The following AGO2 variants were observed in gnomAD, a reference collection of about 807,000 sequenced individuals.
The protein encoded by AGO2 is protein argonaute-2.
In AGO2, 5 loss-of-function variants were observed where a neutral mutation model predicts 102.3. The ratio of observed to expected loss-of-function variants is 0.05; its 90% CI spans 0.03 to 0.10. The LOEUF is 0.10. AGO2 is among the 10% of genes least tolerant of loss of function. AGO2 has a pLI of 1.00. For missense variants in AGO2, 541 were observed against 1,183.7 expected (o/e 0.46, Z 7.97); for synonymous variants, 449 against 473.1 (o/e 0.95, Z 0.66).
At chr8:140,623,354 C>T (rs965447845) in intron 1 of AGO2, among the ~76,000 whole-genome samples, 1 of 152,128 alleles carries the variant, frequency 6.6e-6, no homozygotes, top group African/African-American at 2.4e-5. Context: ...TGGAAGTAGA[C>T]AGCGATGATG....
In AGO2 at chr8:140,618,315, G is replaced by A. The variant is rs895080379; in HGVS notation, c.22+17170C>T. On this transcript the variant is annotated intron_variant, in intron 1 of 18. Transcript: ENST00000220592. ...AGCCTAGGCAACAGAGCAAGACTCC[G>A]TCTCAGGAAAAAAAAAAAAAAAAGT... Among the ~76,000 whole-genome samples, 5 of 148,180 alleles carry A rather than the reference G, an allele frequency of 3.4e-5. 1 individual carries two copies. The highest frequency in any genetic ancestry group is 7.5e-5 in the African/African-American group (3 of 39,980).
chr8:140,556,051 G>A, intron 9 of AGO2, 33 bp from the exon 10 acceptor site: 3 of 1,612,884 alleles, frequency 1.9e-6, no homozygotes, highest in Non-Finnish European at 2.5e-6. Context: ...CGCACGGAGT[G>A]GGTGGAGGCC....
chr8:140,581,352 T>C (rs577850486), intron 2 of AGO2, among the ~76,000 whole-genome samples: 1 of 152,306 alleles, frequency 6.6e-6, no homozygotes, highest in South Asian at 2.1e-4. Flanking sequence ...CAGTCTCTAC[T>C]AAAAATGCAA....
chr8:140,631,722 TCA>T (rs1222995817), intron 1 of AGO2, among the ~76,000 whole-genome samples: 11 of 152,192 alleles, frequency 7.2e-5, no homozygotes, highest in African/African-American at 2.6e-4. Context: ...GAGAAATTGA[TCA>T]CAGACTGTTA....
chr8:140,641,170 A>T, the AGO2 span, among the ~76,000 whole-genome samples: 1 of 152,078 alleles, frequency 6.6e-6, no homozygotes, highest in Non-Finnish European at 1.5e-5. Context: ...GTGTGCTTGT[A>T]GTCCCAGCTA....
chr8:140,606,177 A>G (rs763883841), intron 1 of AGO2, among the ~76,000 whole-genome samples: 13 of 152,222 alleles, frequency 8.5e-5, no homozygotes, highest in Non-Finnish European at 1.5e-4. Flanking sequence ...CTTCCAGGGC[A>G]TCGATGACAT....
chr8:140,635,955 C>G (rs2074404360), upstream of AGO2, among the ~76,000 whole-genome samples: 1 of 149,014 alleles, frequency 6.7e-6, no homozygotes, highest in Non-Finnish European at 1.5e-5. Context: ...CCCGGGGACC[C>G]TTCACTGCCA....
At chr8:140,576,701 T>C (rs1276771124) in intron 2 of AGO2, among the ~76,000 whole-genome samples, 2 of 152,226 alleles carry the variant, frequency 1.3e-5, no homozygotes, top group Non-Finnish European at 2.9e-5. Context: ...TTTCAGTGTC[T>C]ATTTACCACC....
At chr8:140,599,684 T>A (rs934196422) in intron 1 of AGO2, among the ~76,000 whole-genome samples, 5 of 152,170 alleles carry the variant, frequency 3.3e-5, no homozygotes, top group Non-Finnish European at 7.4e-5. Flanking sequence ...GATCTACATC[T>A]CTTCACCTGT....
At chr8:140,576,674 T>C (rs2073469139) in intron 2 of AGO2, among the ~76,000 whole-genome samples, 1 of 152,302 alleles carries the variant, frequency 6.6e-6, no homozygotes, top group Non-Finnish European at 1.5e-5. Flanking sequence ...TGCAACTGCT[T>C]TGGGGAAAAA....
At chr8:140,573,366 A>G (rs2073415769) in intron 2 of AGO2, among the ~76,000 whole-genome samples, 1 of 151,346 alleles carries the variant, frequency 6.6e-6, no homozygotes, top group South Asian at 2.1e-4. Flanking sequence ...TTTAGTAGAT[A>G]CAAGGTTTCA....
chr8:140,600,953 G>A (rs1429367510), intron 1 of AGO2, among the ~76,000 whole-genome samples: 2 of 151,196 alleles, frequency 1.3e-5, no homozygotes, highest in East Asian at 1.9e-4. Context: ...ACCCGAATTC[G>A]AATTGTGTCT....
At chr8:140,550,082 G>A (rs1324586621) in intron 11 of AGO2, among the ~76,000 whole-genome samples, 1 of 152,202 alleles carries the variant, frequency 6.6e-6, no homozygotes, top group African/African-American at 2.4e-5. Context: ...GAAGGGGCAG[G>A]AGGCGACCCT....
chr8:140,559,185 C>T (rs2073154306), intron 6 of AGO2, among the ~76,000 whole-genome samples: 1 of 152,208 alleles, frequency 6.6e-6, no homozygotes, highest in Non-Finnish European at 1.5e-5. Flanking sequence ...CATCCTCACC[C>T]CATGGGGTTG....
intron 2 of AGO2, among the ~76,000 whole-genome samples, chr8:140,581,855 G>C (rs913051179): frequency 6.6e-6 from 1 of 152,180 alleles, no homozygotes; most frequent in South Asian, 2.1e-4. Context: ...TGAGAACTAA[G>C]TCCCCAGACA....
chr8:140,573,537 T>G (rs1347536017), intron 2 of AGO2, among the ~76,000 whole-genome samples: 1 of 152,182 alleles, frequency 6.6e-6, no homozygotes, highest in East Asian at 1.9e-4. Context: ...GCAACATGAC[T>G]TCCAACTTCT....
chr8:140,635,723 G>T, upstream of AGO2: 1 of 148,788 alleles, frequency 6.7e-6, no homozygotes, highest in South Asian at 1.8e-4. Flanking sequence ...GGAGGGGGAG[G>T]GGAGGCGAGG....
chr8:140,551,455 TC>T lies in AGO2; in HGVS notation c.1270-20del. 6.6e-7 allele frequency: 1 copy of T among 1,519,674 alleles called. No homozygotes were observed. The highest frequency in any genetic ancestry group is 8.9e-7 in the Non-Finnish European group (1 of 1,123,120). The allele number at this position is 1,519,674 out of a possible 1,614,324, so 94.1% of individuals were successfully genotyped here. ...CTTTATTCTGCAAATGGCAAAAGGT[TC>T]AGGGTGAGAAAAAAATGGAAAACAT... On this transcript the variant is annotated intron_variant, in intron 10 of 18. Coordinates refer to ENST00000220592, the MANE Select transcript of AGO2 (RefSeq NM_012154.5).
chr8:140,554,697 A>AT (rs1223748330), intron 10 of AGO2, among the ~76,000 whole-genome samples: 1 of 151,938 alleles, frequency 6.6e-6, no homozygotes, highest in Non-Finnish European at 1.5e-5. Flanking sequence ...TTTTTTAAGT[A>AT]TTTTTTATTT....
Sources: allele counts gnomAD v4.1 joint callset (sites outside exome capture counted in the v4.1 genomes callset), GRCh38; gene constraint gnomAD v4.1.1; transcripts MANE v1.5; gene names NCBI Gene and HGNC (gene_info 2026-07-23, HGNC 2026-07-21).